The following CD44 variants were observed in gnomAD, a reference collection of about 807,000 sequenced individuals.
The protein encoded by CD44 is CD44 antigen.
CD44 carries 49 observed loss-of-function variants against 88.8 expected under a neutral mutation model. That is an observed-to-expected ratio of 0.55 (90% CI 0.44 to 0.70). The LOEUF (loss-of-function observed/expected upper bound fraction) is 0.70, where lower values mean the gene tolerates loss of function less well. Ranked by LOEUF, CD44 falls within the 30% of genes least tolerant of loss-of-function variation. CD44 has a pLI of 0.00. For missense variants in CD44, 883 were observed against 913.8 expected, an observed-to-expected ratio of 0.97 and a Z score of 0.43; for synonymous variants, 325 against 312.3, an observed-to-expected ratio of 1.04 and a Z score of -0.43.
intron 17 of CD44, among the ~76,000 whole-genome samples, chr11:35,224,374 A>T (rs1163704617): frequency 6.6e-6 from 1 of 152,184 alleles, no homozygotes; most frequent in Non-Finnish European, 1.5e-5. Context: ...ATGAGAGCAC[A>T]TAATTATTTT....
intron 5 of CD44, among the ~76,000 whole-genome samples, chr11:35,196,297 A>G (rs1946736839): frequency 6.6e-6 from 1 of 152,236 alleles, no homozygotes; most frequent in Non-Finnish European, 1.5e-5. Flanking sequence ...CAACATTTGG[A>G]AGAACATTCC....
intron 1 of CD44, among the ~76,000 whole-genome samples, chr11:35,155,666 T>C (rs1255464061): frequency 6.6e-6 from 1 of 152,222 alleles, no homozygotes; most frequent in Non-Finnish European, 1.5e-5. Context: ...AGTACTTTAT[T>C]ATTAGAAACT....
chr11:35,158,237 C>T (rs955662470), intron 1 of CD44, among the ~76,000 whole-genome samples: 3 of 152,170 alleles, frequency 2.0e-5, no homozygotes, highest in Non-Finnish European at 4.4e-5. Flanking sequence ...ACCAGCTTTC[C>T]TATCTTCTTC....
At chr11:35,208,866 A>C (rs1948139081) in intron 12 of CD44, among the ~76,000 whole-genome samples, 1 of 152,214 alleles carries the variant, frequency 6.6e-6, no homozygotes, top group South Asian at 2.1e-4. Context: ...AGAAATCTAG[A>C]ATTAAGAAGG....
chr11:35,144,771 T>C (rs1379054279), intron 1 of CD44, among the ~76,000 whole-genome samples: 1 of 152,246 alleles, frequency 6.6e-6, no homozygotes, highest in African/African-American at 2.4e-5. Flanking sequence ...TAAATGTTTA[T>C]ATATTTTTCC....
At chr11:35,221,270 G>C (rs1415911135) in intron 16 of CD44, among the ~76,000 whole-genome samples, 1 of 152,122 alleles carries the variant, frequency 6.6e-6, no homozygotes, top group Non-Finnish European at 1.5e-5. Flanking sequence ...ATGTAAGGTG[G>C]ATAGGTGGAT....
At chr11:35,147,615 A>G (rs564751886) in intron 1 of CD44, among the ~76,000 whole-genome samples, 2 of 135,710 alleles carry the variant, frequency 1.5e-5, no homozygotes, top group African/African-American at 5.9e-5. Context: ...CCTTCCCCCA[A>G]CTTTTTTTTT....
chr11:35,170,369 C>T (rs568617368), intron 1 of CD44, among the ~76,000 whole-genome samples: 1 of 152,294 alleles, frequency 6.6e-6, no homozygotes, highest in East Asian at 1.9e-4. Context: ...GCCTTCCTGA[C>T]AGCTCCCTAG....
At chr11:35,184,666 T>A (rs1442222324) in intron 3 of CD44, among the ~76,000 whole-genome samples, 1 of 152,186 alleles carries the variant, frequency 6.6e-6, no homozygotes, top group Admixed American at 6.5e-5. Context: ...ACCTTGTGAG[T>A]TTATCAGAAG....
chr11:35,186,739 T>C, intron 3 of CD44, 93 bp from the exon 4 acceptor site: 2 of 758,948 alleles, frequency 2.6e-6, no homozygotes, highest in East Asian at 2.5e-5. Flanking sequence ...GAATAAGTTA[T>C]AGTAAAACTC....
chr11:35,208,047 C>T (rs1948048518), intron 11 of CD44, 58 bp from the exon 12 acceptor site: 4 of 1,036,756 alleles, frequency 3.9e-6, no homozygotes, highest in Admixed American at 3.4e-5. Context: ...AGACCATAAG[C>T]CACCTTCAGG....
chr11:35,140,283 C>T (rs536902168), intron 1 of CD44, among the ~76,000 whole-genome samples: 14 of 152,300 alleles, frequency 9.2e-5, no homozygotes, highest in Admixed American at 2.0e-4. Flanking sequence ...TATTCTAGCA[C>T]GGCTCAACTC....
At chr11:35,208,965 A>T (rs1476168369) in intron 12 of CD44, among the ~76,000 whole-genome samples, 2 of 152,230 alleles carry the variant, frequency 1.3e-5, no homozygotes, top group East Asian at 3.8e-4. Flanking sequence ...GCATGTATTG[A>T]TGGTCAGCAA....
chr11:35,200,890 G>A (rs1474689215), intron 7 of CD44, among the ~76,000 whole-genome samples, 192 bp from the exon 8 acceptor site: 2 of 152,160 alleles, frequency 1.3e-5, no homozygotes, highest in Non-Finnish European at 2.9e-5. Flanking sequence ...AAAGGACACT[G>A]AGATGCTTAC....
chr11:35,163,145 T>C lies in CD44; in HGVS notation c.68-13430T>C, dbSNP rs77517316. On this transcript the variant is annotated intron_variant, in intron 1 of 17. Coordinates refer to ENST00000428726, the MANE Select transcript of CD44 (RefSeq NM_000610.4). ...AAGAAGGCAAGATAACCTAAAGGCA[T>C]GAATCTTGTTCTGTTTTAATCCACC... Among the ~76,000 whole-genome samples the C allele has an allele frequency of 1.6e-3, 249 of 152,318 alleles. 5 individuals carry two copies. In the East Asian group the frequency reaches 0.045, roughly 28 times the overall value.
At chr11:35,196,220 A>G (rs552601796) in intron 5 of CD44, among the ~76,000 whole-genome samples, 3 of 152,194 alleles carry the variant, frequency 2.0e-5, no homozygotes, top group African/African-American at 7.2e-5. Flanking sequence ...CTTCCTGACT[A>G]TGGGAAACAT....
At chr11:35,148,742 A>T (rs1401205215) in intron 1 of CD44, among the ~76,000 whole-genome samples, 1 of 152,206 alleles carries the variant, frequency 6.6e-6, no homozygotes, top group Non-Finnish European at 1.5e-5. Flanking sequence ...CAGTTCCCCA[A>T]TTATAGTGGG....
chr11:35,192,041 C>T (rs1946321022), intron 5 of CD44, among the ~76,000 whole-genome samples: 6 of 152,146 alleles, frequency 3.9e-5, no homozygotes. Context: ...ATGGAGACTA[C>T]ATATTATTGG....
chr11:35,223,904 T>G (rs1949503503), intron 17 of CD44, among the ~76,000 whole-genome samples: 1 of 152,276 alleles, frequency 6.6e-6, no homozygotes, highest in East Asian at 1.9e-4. Flanking sequence ...AAATGGGGCC[T>G]CCAATAGGTG....
Sources: allele counts gnomAD v4.1 joint callset (sites outside exome capture counted in the v4.1 genomes callset), GRCh38; gene constraint gnomAD v4.1.1; transcripts MANE v1.5; gene names NCBI Gene and HGNC (gene_info 2026-07-23, HGNC 2026-07-21).